PLCZ1: variants seen among roughly 807,000 people sequenced by gnomAD.
The protein encoded by PLCZ1 is phospholipase C zeta 1.
PLCZ1 carries 64 observed loss-of-function variants against 76.8 expected under a neutral mutation model. The observed-to-expected ratio is 0.83, with a 90% CI of 0.68 to 1.03. The LOEUF is 1.03. Ranked by LOEUF, PLCZ1 falls within the 50% of genes least tolerant of loss-of-function variation. The probability of loss-of-function intolerance (pLI) is 0.00; values close to 1 mark genes in which losing one functional copy is unlikely to be tolerated. For missense variants in PLCZ1, 751 were observed against 713.7 expected (o/e 1.05, Z -0.60); for synonymous variants, 248 against 230.8 (o/e 1.07, Z -0.68).
At chr12:18,650,704 G>A in the PLCZ1 span, among the ~76,000 whole-genome samples, 414 of 57,604 alleles carry the variant, frequency 7.2e-3, 10 homozygotes, top group Middle Eastern at 0.023. Flanking sequence ...GTGTGTGTGT[G>A]TATATATCTA....
Position 18,684,288 on chromosome 12 carries a change from TA to T in PLCZ1, c.1592-10del, listed in dbSNP as rs573732314. On this transcript the variant is annotated splice_polypyrimidine_tract_variant and intron_variant, in intron 13 of 14. Transcript: ENST00000266505. ...CCATCTTGGACTAAAAGCTGAAATA[TA>T]AAAAAAGAAGATACAAAGAATAATA... The T allele has an allele frequency of 1.1e-5, 17 of 1,594,456 alleles. No individual in the cohort carries two copies. Among genetic ancestry groups the T allele is most frequent in the Non-Finnish European group, 1.4e-5 (16 of 1,165,064 alleles).
chr12:18,663,111 G>A, the PLCZ1 span, among the ~76,000 whole-genome samples: 2 of 151,964 alleles, frequency 1.3e-5, no homozygotes, highest in Admixed American at 1.3e-4. Flanking sequence ...AATCCACAAT[G>A]AATATTATAC....
chr12:18,681,526 C>A (rs1464731839), downstream of PLCZ1, among the ~76,000 whole-genome samples: 3 of 151,962 alleles, frequency 2.0e-5, no homozygotes, highest in African/African-American at 7.2e-5. Flanking sequence ...TGAATAAAAT[C>A]TGTTAATAGT....
At chr12:18,708,042 C>A (rs1176596796) in intron 6 of PLCZ1, among the ~76,000 whole-genome samples, 1 of 152,202 alleles carries the variant, frequency 6.6e-6, no homozygotes, top group African/African-American at 2.4e-5. Context: ...TCTATTCATT[C>A]AGCATGAATA....
the PLCZ1 span, among the ~76,000 whole-genome samples, chr12:18,663,176 G>T: frequency 6.6e-6 from 1 of 152,058 alleles, no homozygotes; most frequent in East Asian, 1.9e-4. Flanking sequence ...AGGCAAGGGT[G>T]AACAGGTTCA....
intron 5 of PLCZ1, among the ~76,000 whole-genome samples, chr12:18,718,826 A>T (rs1452374880): frequency 6.6e-6 from 1 of 152,156 alleles, no homozygotes; most frequent in Non-Finnish European, 1.5e-5. Flanking sequence ...CAGCTTTGAA[A>T]ATCTTATTCT....
At chr12:18,657,329 A>G in the PLCZ1 span, among the ~76,000 whole-genome samples, 1 of 152,160 alleles carries the variant, frequency 6.6e-6, no homozygotes, top group Non-Finnish European at 1.5e-5. Flanking sequence ...AGATGACCAT[A>G]TATGTGCCCA....
intron 7 of PLCZ1, 78 bp from the exon 8 acceptor site, chr12:18,701,854 A>T: frequency 6.5e-7 from 1 of 1,528,344 alleles, no homozygotes; most frequent in Non-Finnish European, 8.8e-7. Context: ...AAAGTGTTTC[A>T]CTATATTTCC....
chr12:18,707,460 C>T (rs2137345908), intron 6 of PLCZ1, among the ~76,000 whole-genome samples: 1 of 152,186 alleles, frequency 6.6e-6, no homozygotes, highest in Admixed American at 6.5e-5. Context: ...GATCCTCTTT[C>T]TTTTATCTTC....
At chr12:18,692,718 C>T (rs989978483) in intron 12 of PLCZ1, 8 of 816,476 alleles carry the variant, frequency 9.8e-6, no homozygotes, top group Non-Finnish European at 1.6e-5. Flanking sequence ...TTTGAATCAT[C>T]AACATAAAGA....
rs903069813 is a variant in PLCZ1 at position 18,695,058 on chromosome 12, G to A, written c.1313C>T (p.Pro438Leu). Residue 438 changes from proline (P) to leucine (L), a missense_variant, in exon 12 of 15, where the codon CCT (proline) becomes CTT (leucine). Pro to Leu is a moderately conservative substitution (Grantham distance 98). Transcript: ENST00000266505. ...CQMVALNFQTPGLPMDLQNGK... is the reference protein window; with the variant it reads ...CQMVALNFQTLGLPMDLQNGK... ...ATTTTGCAGATCCATGGGCAGACCA[G>A]GGGTCTGGAAATTTAAAGCCACTGT... is the stretch of plus-strand genomic sequence containing the variant. 6.2e-7 allele frequency: 1 copy of A among 1,612,986 alleles called. No individual in the cohort carries two copies. Among genetic ancestry groups the A allele is most frequent in the Admixed American group, 1.7e-5 (1 of 59,968 alleles).
intron 3 of PLCZ1, among the ~76,000 whole-genome samples, chr12:18,732,443 C>T (rs7311256): frequency 0.56 from 84,784 of 152,056 alleles, 26,612 homozygotes; most frequent in Non-Finnish European, 0.69. Flanking sequence ...TGAGCCACCA[C>T]GCCTGGACCC....
At chr12:18,692,784 G>A in intron 12 of PLCZ1, 4 of 1,414,596 alleles carry the variant, frequency 2.8e-6, no homozygotes, top group Non-Finnish European at 4.0e-6. Flanking sequence ...TCAGAGTGGT[G>A]GTCATGGTCC....
intron 7 of PLCZ1, among the ~76,000 whole-genome samples, chr12:18,702,986 C>T (rs902868242): frequency 2.0e-5 from 3 of 151,770 alleles, no homozygotes; most frequent in Non-Finnish European, 4.4e-5. Flanking sequence ...TCTTTATTTA[C>T]TCATTGAAAA....
At chr12:18,712,147 T>G (rs1292569656) in intron 6 of PLCZ1, among the ~76,000 whole-genome samples, 1 of 152,160 alleles carries the variant, frequency 6.6e-6, no homozygotes, top group African/African-American at 2.4e-5. Context: ...ACTAAAATTG[T>G]ACTATAATTG....
intron 12 of PLCZ1, among the ~76,000 whole-genome samples, chr12:18,691,441 T>G (rs1003193093): frequency 2.0e-5 from 3 of 152,254 alleles, no homozygotes; most frequent in African/African-American, 4.8e-5. Flanking sequence ...CTATGAATGT[T>G]TATGTAACAG....
Position 18,736,354 on chromosome 12 carries a change from C to CA in PLCZ1, c.12-11dup, listed in dbSNP as rs1565748670. 2.5e-6 allele frequency: 4 copies of CA among 1,608,850 alleles called. No individual in the cohort carries two copies. The highest frequency in any genetic ancestry group is 2.2e-5 in the East Asian group (1 of 44,630). On this transcript the variant is annotated splice_polypyrimidine_tract_variant and intron_variant, in intron 2 of 14. Coordinates refer to ENST00000266505, the MANE Select transcript of PLCZ1 (RefSeq NM_033123.4). Reference sequence around the variant, plus strand: ...CTTTGACAAAAACCATGTAGAAGCACAAAAAAGTTAAGGAAATTCTCACAG... The same window carrying CA: ...CTTTGACAAAAACCATGTAGAAGCACAAAAAAAGTTAAGGAAATTCTCACAG...
At chr12:18,694,762 G>T in intron 12 of PLCZ1, 148 bp downstream of exon 12, 2 of 616,662 alleles carry the variant, frequency 3.2e-6, no homozygotes, top group African/African-American at 1.9e-5. Context: ...ATAGAAGGAT[G>T]CTGGAATACT....
Position 18,697,980 on chromosome 12 carries a change from A to G in PLCZ1, c.1175-1714T>C, listed in dbSNP as rs962572954. Reference sequence around the variant, plus strand: ...CTCAGAACTATCTAATTCCTTTCCAAAATTTTTGCAAGTATTTAATATGAT... The same window carrying G: ...CTCAGAACTATCTAATTCCTTTCCAGAATTTTTGCAAGTATTTAATATGAT... On this transcript the variant is annotated intron_variant, in intron 10 of 14. Transcript: ENST00000266505. Among the ~76,000 whole-genome samples, 11 of 151,950 alleles carry G rather than the reference A, an allele frequency of 7.2e-5. No individual in the cohort carries two copies. The East Asian group carries it at 2.1e-3, about 29-fold the overall frequency.
Sources: allele counts gnomAD v4.1 joint callset (sites outside exome capture counted in the v4.1 genomes callset), GRCh38; gene constraint gnomAD v4.1.1; transcripts MANE v1.5; gene names NCBI Gene and HGNC (gene_info 2026-07-23, HGNC 2026-07-21).